The following NFKBIE variants were observed in gnomAD, a reference collection of about 807,000 sequenced individuals.
NFKBIE encodes NF-kappa-B inhibitor epsilon.
A neutral mutation model predicts 31.6 loss-of-function variants in NFKBIE; 11 were observed. The ratio of observed to expected loss-of-function variants is 0.35; its 90% CI spans 0.22 to 0.58. The LOEUF (loss-of-function observed/expected upper bound fraction) is 0.58. Among genes scored for constraint, NFKBIE ranks in the 20% least tolerant of loss-of-function variants. The probability of loss-of-function intolerance (pLI) is 0.83; values close to 1 mark genes in which losing one functional copy is unlikely to be tolerated. For synonymous variants in NFKBIE, 208 were observed against 210.1 expected (o/e 0.99, Z 0.09); for missense variants, 354 against 465.7 (o/e 0.76, Z 2.21).
rs1781750892 is a variant in NFKBIE, at chr6:44,258,310, C to G, written c.*909G>C. Reference sequence around the variant, plus strand: ...AGCATAGGGGTGACCTAGCAGGGCCCTCGAAGGTGAGGAACGGGGGGAAAA... The same window carrying G: ...AGCATAGGGGTGACCTAGCAGGGCCGTCGAAGGTGAGGAACGGGGGGAAAA... On this transcript the variant is annotated 3_prime_UTR_variant, in exon 6 of 6. Coordinates refer to ENST00000619360, the MANE Select transcript of NFKBIE (RefSeq NM_004556.3). 1 of 152,316 alleles carries G rather than the reference C, an allele frequency of 6.6e-6. No individual in the cohort carries two copies. Among genetic ancestry groups the G allele is most frequent in the South Asian group, 2.1e-4 (1 of 4,832 alleles). 9.4% of individuals were successfully genotyped at this position (152,316 alleles called of 1,614,324 possible).
Position 44,260,434 on chromosome 6 carries a change from T to C in NFKBIE, c.780+17A>G. 1 of 1,614,144 alleles carries C rather than the reference T, an allele frequency of 6.2e-7. No individual in the cohort carries two copies. Among genetic ancestry groups the C allele is most frequent in the South Asian group, 1.1e-5 (1 of 91,084 alleles). On this transcript the variant is annotated intron_variant, in intron 4 of 5. Transcript: ENST00000619360. The surrounding 1 kb of genome is among the most constrained non-coding windows in gnomAD (Gnocchi z 5.5). ...GGGCAGGCCCTGGGCCGGGCAGTGC[T>C]TTGCTGGCTGTCTCACCTGCACATC...
chr6:44,260,498 G>A lies in NFKBIE; in HGVS notation c.733C>T (p.Pro245Ser), dbSNP rs780536983. 6.2e-7 allele frequency: 1 copy of A among 1,614,138 alleles called. No homozygotes were observed. Residue 245 changes from proline to serine, a missense_variant, in exon 4 of 6, where the codon CCA becomes TCA. Physicochemically the swap from Pro to Ser is moderately conservative, Grantham distance 74 (BLOSUM62 -1). Transcript: ENST00000619360. This position sits in a 1 kb window ranked among gnomAD's most constrained non-coding sequence, Gnocchi z 5.5. Reference protein sequence around the residue: ...LHIATLQKNQPLMELLLRNGA... With the variant: ...LHIATLQKNQSLMELLLRNGA... ...TTCCGAAGCAGCAATTCCATGAGTG[G>A]TTGGTTCTTCTGAAGGGTGGCAATG...
At position 44,260,086 on chromosome 6, in the gene NFKBIE, A is replaced by T; in HGVS notation, c.977T>A (p.Leu326Gln). The change falls in exon 5 of 6, where the codon CTG becomes CAG. Residue 326 changes from leucine (L) to glutamine (Q), a missense_variant. By Grantham distance (113) the Leu-to-Gln change is moderately radical. Coordinates refer to ENST00000619360, the MANE Select transcript of NFKBIE (RefSeq NM_004556.3). This position sits in a 1 kb window ranked among gnomAD's most constrained non-coding sequence, Gnocchi z 5.5. ...TLCKAGADSL[L>Q]RNVEDETPQD... is the part of the protein sequence containing the mutation. ...GGGCGTCTCATCCTCCACATTCCGC[A>T]GCAGGGAGTCAGCACCCGCCTTGCA... 2.5e-6 allele frequency: 4 copies of T among 1,614,218 alleles called. No homozygotes were observed. In the South Asian group the frequency reaches 4.4e-5, roughly 18 times the overall value.
At chr6:44,264,915 C>T in intron 1 of NFKBIE, 67 bp downstream of exon 1, 3 of 1,511,612 alleles carry the variant, frequency 2.0e-6, no homozygotes, top group African/African-American at 2.8e-5. Flanking sequence ...TGGGGGTGCC[C>T]GACCTGTTGC....
In NFKBIE at chr6:44,265,175, G is replaced by A; in HGVS notation, c.172C>T (p.Pro58Ser). 3.2e-6 allele frequency: 5 copies of A among 1,551,846 alleles called. No homozygotes were observed. Among genetic ancestry groups the A allele is most frequent in the Non-Finnish European group, 4.4e-6 (5 of 1,147,034 alleles). The stretch of plus-strand genomic sequence containing the variant: ...CCATCCGCGTCTTCCTTCTCCTGTG[G>A]TTCCTTGACGGGTCCCGGAGGATGG... ...CTHPPGPVKEPQEKEDADGER... is the reference protein window; with the variant it reads ...CTHPPGPVKESQEKEDADGER... The change falls in exon 1 of 6, where the codon CCA becomes TCA. Residue 58 changes from proline to serine, a missense_variant. By Grantham distance (74) the Pro-to-Ser change is moderately conservative. This residue lies in a region of NFKBIE where 171 missense variants were observed against 155.1 expected (regional missense o/e 1.10). Transcript: ENST00000619360.
In NFKBIE at chr6:44,260,192, C is replaced by T. The variant is rs772690861; in HGVS notation, c.871G>A (p.Val291Ile). Residue 291 changes from valine (V) to isoleucine (I), a missense_variant, in exon 5 of 6, where the codon GTA (valine) becomes ATA (isoleucine). Physicochemically the swap from Val to Ile is conservative, Grantham distance 29. Transcript: ENST00000619360. The surrounding 1 kb of genome is among the most constrained non-coding windows in gnomAD (Gnocchi z 5.5). ...VQFLLQAGAQVDARMLNGCTP... is the reference protein window; with the variant it reads ...VQFLLQAGAQIDARMLNGCTP... ...CACCCGTTCAGCATGCGGGCATCTACCTGGGCACCAGCCTGGAGCAGGAAC... is the reference window on the plus strand; with the variant it reads ...CACCCGTTCAGCATGCGGGCATCTATCTGGGCACCAGCCTGGAGCAGGAAC... 3 of 1,614,212 alleles carry T rather than the reference C, an allele frequency of 1.9e-6. No homozygotes were observed. Among genetic ancestry groups the T allele is most frequent in the East Asian group, 4.5e-5 (2 of 44,890 alleles).
At position 44,258,472 on chromosome 6, in the gene NFKBIE, CTCA is replaced by C. The variant is rs1416589822; in HGVS notation, c.*744_*746del. The C allele has an allele frequency of 2.0e-5, 3 of 152,348 alleles. No homozygotes were observed. Among genetic ancestry groups the C allele is most frequent in the East Asian group, 1.9e-4 (1 of 5,188 alleles). 9.4% of individuals were successfully genotyped at this position (152,348 alleles called of 1,614,324 possible). A position where few individuals can be genotyped will look rare whatever the true frequency, so the allele number is the denominator to read the frequency against. On this transcript the variant is annotated 3_prime_UTR_variant, in exon 6 of 6. Coordinates refer to ENST00000619360, the MANE Select transcript of NFKBIE (RefSeq NM_004556.3). Reference sequence around the variant, plus strand: ...CATTCTTCCTCTTGTCCCTCCATCCCTCATCATTTCCACAGCAAGGACAAGGGT... The same window carrying C: ...CATTCTTCCTCTTGTCCCTCCATCCCTCATTTCCACAGCAAGGACAAGGGT...
In NFKBIE at chr6:44,260,826, AAC is replaced by A. The variant is rs369958691; in HGVS notation, c.692-289_692-288del. 8.1e-3 allele frequency among the ~76,000 whole-genome samples: 961 copies of A among 119,162 alleles called. 11 individuals are homozygous for A. The highest frequency in any genetic ancestry group is 0.019 in the African/African-American group (653 of 33,560). 78.2% of individuals were successfully genotyped at this position (119,162 alleles called of 152,430 possible). A position where few individuals can be genotyped will look rare whatever the true frequency, so the allele number is the denominator to read the frequency against. On this transcript the variant is annotated intron_variant, in intron 3 of 5. Coordinates refer to ENST00000619360, the MANE Select transcript of NFKBIE (RefSeq NM_004556.3). This position sits in a 1 kb window ranked among gnomAD's most constrained non-coding sequence, Gnocchi z 5.5. ...CACCCTCCTCCTATACACAAACTAC[AAC>A]ACACACACACACACACACACACACA... is the stretch of plus-strand genomic sequence containing the variant.
rs900171455 is a variant in NFKBIE, at chr6:44,260,749, T to C, written c.692-210A>G. Among the ~76,000 whole-genome samples the C allele has an allele frequency of 1.3e-5, 2 of 151,958 alleles. No homozygotes were observed. The highest frequency in any genetic ancestry group is 2.1e-4 in the South Asian group (1 of 4,814). On this transcript the variant is annotated intron_variant, in intron 3 of 5. Transcript: ENST00000619360. The surrounding 1 kb of genome is among the most constrained non-coding windows in gnomAD (Gnocchi z 5.5). ...TTTCCACCTTTTCAGAGTCATGTTA[T>C]TGAAACTTTCATGCTTCAGGGGTCA...
chr6:44,261,738 A>G lies in NFKBIE; in HGVS notation c.579T>C (p.His193=). The change falls in exon 3 of 6, where the codon CAT becomes CAC. Residue 193 remains histidine, a synonymous_variant. Coordinates refer to ENST00000619360, the MANE Select transcript of NFKBIE (RefSeq NM_004556.3). The surrounding 1 kb of genome is among the most constrained non-coding windows in gnomAD (Gnocchi z 4.3). ...CCAAGTGCTGGCGCTGGCAGGCCAC[A>G]TGAAGGGCTGTGTCACCATGCCGGT... ...LQDRHGDTAL[H]VACQRQHLAC... The G allele has an allele frequency of 6.2e-7, 1 of 1,614,056 alleles. No homozygotes were observed.
Position 44,265,307 on chromosome 6 carries a change from T to C in NFKBIE, c.40A>G (p.Ser14Gly). 1 of 1,548,128 alleles carries C rather than the reference T, an allele frequency of 6.5e-7. No individual in the cohort carries two copies. Among genetic ancestry groups the C allele is most frequent in the Non-Finnish European group, 8.7e-7 (1 of 1,148,924 alleles). Residue 14 changes from serine to glycine, a missense_variant, in exon 1 of 6, where the codon AGC (serine) becomes GGC (glycine). Coordinates refer to ENST00000619360, the MANE Select transcript of NFKBIE (RefSeq NM_004556.3). ...GACTCAATGCCAGAGTCGTACTGGC[T>C]CTCCTCCGCCTCGTCCGGCCCCTTC... ...ARKGPDEAEESQYDSGIESLR... is the reference protein window; with the variant it reads ...ARKGPDEAEEGQYDSGIESLR...
At position 44,260,797 on chromosome 6, in the gene NFKBIE, A is replaced by C. The variant is rs1307860194; in HGVS notation, c.692-258T>G. Among the ~76,000 whole-genome samples the C allele has an allele frequency of 6.6e-6, 1 of 150,446 alleles. No homozygotes were observed. Among genetic ancestry groups the C allele is most frequent in the East Asian group, 2.0e-4 (1 of 5,066 alleles). The stretch of plus-strand genomic sequence containing the variant: ...TCAGGCTGCTGAGTGACACCCCCAA[A>C]GAACACCCTCCTCCTATACACAAAC... On this transcript the variant is annotated intron_variant, in intron 3 of 5. Coordinates refer to ENST00000619360, the MANE Select transcript of NFKBIE (RefSeq NM_004556.3). This position sits in a 1 kb window ranked among gnomAD's most constrained non-coding sequence, Gnocchi z 5.5.
In NFKBIE at chr6:44,260,141, G is replaced by A. The variant is rs374195382; in HGVS notation, c.922C>T (p.Arg308Trp). 5.0e-6 allele frequency: 8 copies of A among 1,614,212 alleles called. No individual in the cohort carries two copies. The highest frequency in any genetic ancestry group is 2.2e-5 in the East Asian group (1 of 44,892). ...GTGGATGAGATGCCCATGAGACCCC[G>A]GCCAGCTGCCAGGTGCAGGGGTGTG... Reference protein sequence around the residue: ...GCTPLHLAAGRGLMGISSTLC... With the variant: ...GCTPLHLAAGWGLMGISSTLC... The change falls in exon 5 of 6, where the codon CGG (arginine) becomes TGG (tryptophan). Residue 308 changes from arginine to tryptophan, a missense_variant. Around this residue, in one of 2 missense-constraint regions of NFKBIE, gnomAD observed 183 missense variants for 310.6 expected, o/e 0.59. Transcript: ENST00000619360. The surrounding 1 kb of genome is among the most constrained non-coding windows in gnomAD (Gnocchi z 5.5).
In NFKBIE at chr6:44,265,175, G is replaced by T; in HGVS notation, c.172C>A (p.Pro58Thr). 6.4e-7 allele frequency: 1 copy of T among 1,551,846 alleles called. No homozygotes were observed. Among genetic ancestry groups the T allele is most frequent in the Non-Finnish European group, 8.7e-7 (1 of 1,147,034 alleles). ...CTHPPGPVKE[P>T]QEKEDADGER... is the part of the protein sequence containing the mutation. ...CCATCCGCGTCTTCCTTCTCCTGTG[G>T]TTCCTTGACGGGTCCCGGAGGATGG... Residue 58 changes from proline (P) to threonine (T), a missense_variant, in exon 1 of 6, where the codon CCA becomes ACA. Physicochemically the swap from Pro to Thr is conservative, Grantham distance 38. Around this residue, in one of 2 missense-constraint regions of NFKBIE, gnomAD observed 171 missense variants for 155.1 expected, o/e 1.10. Transcript: ENST00000619360.
rs1781887151 is a variant in NFKBIE, at chr6:44,260,876, C to CAG, written c.692-338_692-337insCT. 6.9e-6 allele frequency among the ~76,000 whole-genome samples: 1 copy of CAG among 144,356 alleles called. No individual in the cohort carries two copies. Among genetic ancestry groups the CAG allele is most frequent in the Non-Finnish European group, 1.6e-5 (1 of 63,662 alleles). The allele number at this position is 144,356 out of a possible 152,430, so 94.7% of individuals were successfully genotyped here. A position where few individuals can be genotyped will look rare whatever the true frequency, so the allele number is the denominator to read the frequency against. ...ACACATACAGACACACACACACACA[C>CAG]ACACACACACACACAACCTGCCTTC... On this transcript the variant is annotated intron_variant, in intron 3 of 5. Transcript: ENST00000619360. The surrounding 1 kb of genome is among the most constrained non-coding windows in gnomAD (Gnocchi z 5.5).
intron 5 of NFKBIE, 132 bp downstream of exon 5, chr6:44,259,911 C>T (rs1055566256): frequency 7.4e-7 from 1 of 1,352,458 alleles, no homozygotes; most frequent in Non-Finnish European, 9.9e-7. Flanking sequence ...GCTCAAGTTC[C>T]CACAGTTGGT....
Position 44,261,492 on chromosome 6 carries a change from A to G in NFKBIE, c.691+134T>C. On this transcript the variant is annotated intron_variant, in intron 3 of 5. Transcript: ENST00000619360. This position sits in a 1 kb window ranked among gnomAD's most constrained non-coding sequence, Gnocchi z 4.3. The stretch of plus-strand genomic sequence containing the variant: ...CATTCATTTGGCAAAGATGTACTGA[A>G]TATCTATGTGCTTACAGTGGGAGGG... The G allele has an allele frequency of 1.2e-6, 1 of 805,266 alleles. No homozygotes were observed. Among genetic ancestry groups the G allele is most frequent in the Non-Finnish European group, 2.0e-6 (1 of 504,490 alleles). 49.9% of individuals were successfully genotyped at this position (805,266 alleles called of 1,614,324 possible).
chr6:44,263,171 G>A lies in NFKBIE; in HGVS notation c.366-509C>T, dbSNP rs1781983924. Among the ~76,000 whole-genome samples, 1 of 152,264 alleles carries A rather than the reference G, an allele frequency of 6.6e-6. No homozygotes were observed. Among genetic ancestry groups the A allele is most frequent in the Non-Finnish European group, 1.5e-5 (1 of 68,050 alleles). ...CTCTTGGAAGAGGAGCAAGGAGACA[G>A]TGCAGCATCCTGTCCTGCTGCCCTT... On this transcript the variant is annotated intron_variant, in intron 1 of 5. Coordinates refer to ENST00000619360, the MANE Select transcript of NFKBIE (RefSeq NM_004556.3). This position sits in a 1 kb window ranked among gnomAD's most constrained non-coding sequence, Gnocchi z 5.0.
rs1193159731 is a variant in NFKBIE at position 44,265,122 on chromosome 6, G to A, written c.225C>T (p.Ser75=). 1 of 1,553,466 alleles carries A rather than the reference G, an allele frequency of 6.4e-7. No individual in the cohort carries two copies. The change falls in exon 1 of 6, where the codon TCC becomes TCT. Residue 75 remains serine, a synonymous_variant. Transcript: ENST00000619360. ...AGGACAGGGTGTAGGTGAGCGAGGA[G>A]GAGCCATAGGTGGAATCAGCCCGCT... ...DGERADSTYG[S]SSLTYTLSLL...
Sources: allele counts gnomAD v4.1 joint callset (sites outside exome capture counted in the v4.1 genomes callset), GRCh38; gene constraint gnomAD v4.1.1; regional missense constraint gnomAD v4.1.1; non-coding constraint Gnocchi (gnomAD v3.1); transcripts MANE v1.5; gene names NCBI Gene and HGNC (gene_info 2026-07-23, HGNC 2026-07-21).